DMD: variants seen among roughly 807,000 people sequenced by gnomAD.
The protein encoded by DMD is mutant dystrophin.
A neutral mutation model predicts 330.1 loss-of-function variants in DMD; 63 were observed. The ratio of observed to expected loss-of-function variants is 0.19; its 90% CI spans 0.16 to 0.24. The LOEUF is 0.24. Ranked by LOEUF, DMD falls within the 10% of genes least tolerant of loss-of-function variation. The pLI, the probability that DMD is intolerant of heterozygous loss-of-function variation, is 1.00. For missense variants in DMD, 3,344 were observed against 2,684.1 expected (o/e 1.25, Z -5.43); for synonymous variants, 1,223 against 959.8 (o/e 1.27, Z -5.07).
At chrX:32,567,120 G>A (rs2051817057) in intron 15 of DMD, among the ~76,000 whole-genome samples, 1 of 111,514 alleles carries the variant, frequency 9.0e-6, no homozygotes, top group Non-Finnish European at 1.9e-5. Context: ...TGCATTGATA[G>A]CTCTGAACTG....
At chrX:31,372,123 A>G (rs1188226981) in intron 60 of DMD, among the ~76,000 whole-genome samples, 1 of 111,598 alleles carries the variant, frequency 9.0e-6, no homozygotes, top group Non-Finnish European at 1.9e-5. Context: ...CAAAGGTTGC[A>G]AACGGCTTAG....
At chrX:31,768,538 C>G (rs1012021055) in intron 51 of DMD, among the ~76,000 whole-genome samples, 1 of 109,107 alleles carries the variant, frequency 9.2e-6, no homozygotes, top group Non-Finnish European at 1.9e-5. Flanking sequence ...TTTGTTCTCT[C>G]CTTCCTTTCC....
intron 53 of DMD, among the ~76,000 whole-genome samples, chrX:31,672,548 G>T (rs1269268632): frequency 8.9e-6 from 1 of 111,909 alleles, no homozygotes. Flanking sequence ...TCTTCTTTCA[G>T]TTCAGTCAGT....
At chrX:31,712,606 A>G (rs1230168099) in intron 52 of DMD, among the ~76,000 whole-genome samples, 1 of 103,985 alleles carries the variant, frequency 9.6e-6, no homozygotes, top group Non-Finnish European at 2.0e-5. Flanking sequence ...GGTTCCACTA[A>G]AAAACTGACT....
intron 1 of DMD, among the ~76,000 whole-genome samples, chrX:33,083,284 G>A (rs1358665489): frequency 1.8e-5 from 2 of 112,096 alleles, no homozygotes; most frequent in South Asian, 3.7e-4. Flanking sequence ...TCTGCCCAAC[G>A]GGCTGCATGG....
At chrX:32,827,445 A>G (rs1222015622) in intron 4 of DMD, among the ~76,000 whole-genome samples, 8 of 110,624 alleles carry the variant, frequency 7.2e-5, no homozygotes, top group African/African-American at 2.0e-4. Flanking sequence ...TAACTTTTAT[A>G]TTAGGTTCAG....
At chrX:31,844,062 T>G (rs1007695837) in intron 48 of DMD, among the ~76,000 whole-genome samples, 10 of 111,766 alleles carry the variant, frequency 8.9e-5, no homozygotes, top group Non-Finnish European at 1.3e-4. Context: ...GGTTTCACCA[T>G]GTTGGCCAGG....
rs1426877140 is a variant in DMD at position 31,182,770 on chromosome X, G to T, written c.9942C>A (p.Asn3314Lys). 3 of 1,206,719 alleles carry T rather than the reference G, an allele frequency of 2.5e-6. No individual in the cohort carries two copies. Among genetic ancestry groups the T allele is most frequent in the Non-Finnish European group, 3.4e-6 (3 of 893,983 alleles). Residue 3314 changes from asparagine (N) to lysine (K), a missense_variant, in exon 68 of 79, where the codon AAC (asparagine) becomes AAA (lysine). By Grantham distance (94) the Asn-to-Lys change is moderately conservative (BLOSUM62 0). Coordinates refer to ENST00000357033, the MANE Select transcript of DMD (RefSeq NM_004006.3). ...AETAKHQAKCNICKECPIIGF... is the reference protein window; with the variant it reads ...AETAKHQAKCKICKECPIIGF... ...CAATGATTGGACACTCTTTGCAGAT[G>T]TTACATTTGGCCTGATGCTTGGCAG...
intron 44 of DMD, among the ~76,000 whole-genome samples, chrX:32,059,716 G>T (rs766805191): frequency 7.4e-4 from 82 of 111,230 alleles, no homozygotes; most frequent in Non-Finnish European, 1.2e-3. Context: ...CATGCACAGG[G>T]ATAAAACAGG....
intron 1 of DMD, among the ~76,000 whole-genome samples, chrX:33,330,693 C>T (rs1168123743): frequency 2.7e-5 from 3 of 111,941 alleles, no homozygotes; most frequent in Non-Finnish European, 5.6e-5. Flanking sequence ...AGACATTTTC[C>T]TTCTAGGTTT....
intron 7 of DMD, among the ~76,000 whole-genome samples, chrX:32,805,753 A>T (rs749557349): frequency 8.9e-6 from 1 of 112,288 alleles, no homozygotes; most frequent in East Asian, 2.8e-4. Flanking sequence ...CAGAAACCCT[A>T]CAAGCCAGAA....
intron 63 of DMD, among the ~76,000 whole-genome samples, chrX:31,233,782 G>A (rs2047446964): frequency 1.8e-5 from 2 of 111,858 alleles, no homozygotes; most frequent in Admixed American, 1.9e-4. Context: ...TATCTCCCAA[G>A]ATTTCAACAT....
At chrX:33,259,611 A>ACCCC (rs1569559256) in intron 1 of DMD, among the ~76,000 whole-genome samples, 2 of 35,670 alleles carry the variant, frequency 5.6e-5, no homozygotes, top group African/African-American at 1.9e-4. Context: ...CCCCCCCCCA[A>ACCCC]AAAAAAAAAG....
chrX:31,420,089 T>A (rs1314740142), intron 60 of DMD, among the ~76,000 whole-genome samples: 1 of 112,362 alleles, frequency 8.9e-6, no homozygotes, highest in Non-Finnish European at 1.9e-5. Context: ...ATATCAAAAC[T>A]TAAGAAAAAT....
At chrX:31,944,177 A>G (rs1019319586) in intron 45 of DMD, among the ~76,000 whole-genome samples, 4 of 110,733 alleles carry the variant, frequency 3.6e-5, no homozygotes, top group Non-Finnish European at 7.5e-5. Flanking sequence ...TGAGGTCCAA[A>G]TTATTTTCGT....
intron 43 of DMD, among the ~76,000 whole-genome samples, chrX:32,231,685 T>C (rs1036767024): frequency 2.1e-4 from 24 of 111,848 alleles, no homozygotes; most frequent in Admixed American, 2.1e-3. Flanking sequence ...CTGGCACCAT[T>C]ACCTTCCACA....
intron 20 of DMD, among the ~76,000 whole-genome samples, chrX:32,486,189 T>C (rs2042446715): frequency 9.0e-6 from 1 of 111,466 alleles, no homozygotes; most frequent in Admixed American, 9.6e-5. Context: ...CTAGCTCATG[T>C]GGCAACTGGG....
rs1262059567 is a variant in DMD, at chrX:31,805,802, C to T, written c.7309+14173G>A. ...CTGCTGATGATAAGAAATATTTTTT[C>T]CCCTGGAGGAAGCCTTAAGAAGATT... is the stretch of plus-strand genomic sequence containing the variant. On this transcript the variant is annotated intron_variant, in intron 50 of 78. Transcript: ENST00000357033. Among the ~76,000 whole-genome samples, 4 of 111,931 alleles carry T rather than the reference C, an allele frequency of 3.6e-5. No homozygotes were observed. In the East Asian group the frequency reaches 1.1e-3, roughly 31 times the overall value.
At chrX:31,880,430 C>T (rs920762929) in intron 47 of DMD, among the ~76,000 whole-genome samples, 3 of 111,371 alleles carry the variant, frequency 2.7e-5, no homozygotes, top group South Asian at 3.7e-4. Flanking sequence ...AAGGAAAAAT[C>T]TACTGGAAAA....
Sources: allele counts gnomAD v4.1 joint callset (sites outside exome capture counted in the v4.1 genomes callset), GRCh38; gene constraint gnomAD v4.1.1; transcripts MANE v1.5; gene names NCBI Gene and HGNC (gene_info 2026-07-23, HGNC 2026-07-21).